The following FARP1 variants were observed in gnomAD, a reference collection of about 807,000 sequenced individuals.
FARP1 encodes the protein FERM, ARHGEF and pleckstrin domain-containing protein 1.
Under a neutral mutation model 128.8 loss-of-function variants are expected in FARP1, and 52 were observed. The ratio of observed to expected loss-of-function variants is 0.40; its 90% confidence interval spans 0.32 to 0.51. The LOEUF (loss-of-function observed/expected upper bound fraction) is 0.51, where lower values mean the gene tolerates loss of function less well. Ranked by LOEUF, FARP1 falls within the 20% of genes least tolerant of loss-of-function variation. FARP1 has a pLI of 0.45. For synonymous variants in FARP1, 580 were observed against 551.8 expected (o/e 1.05, Z -0.72); for missense variants, 1,333 against 1,367.9 (o/e 0.97, Z 0.40).
intron 2 of FARP1, among the ~76,000 whole-genome samples, chr13:98,280,181 A>G (rs1431047135): frequency 6.6e-6 from 1 of 152,160 alleles, no homozygotes; most frequent in East Asian, 1.9e-4. Flanking sequence ...AGCTGGCGTC[A>G]CTTCTGCTTA....
chr13:98,242,621 G>A (rs1172178082), intron 2 of FARP1, among the ~76,000 whole-genome samples: 1 of 152,162 alleles, frequency 6.6e-6, no homozygotes, highest in Non-Finnish European at 1.5e-5. Flanking sequence ...TGATGCTGCA[G>A]AGCTGAGATT....
At chr13:98,215,630 C>T (rs1881015045) in intron 2 of FARP1, among the ~76,000 whole-genome samples, 1 of 152,136 alleles carries the variant, frequency 6.6e-6, no homozygotes, top group Non-Finnish European at 1.5e-5. Flanking sequence ...GTCCAACTGC[C>T]TGCCTGTTCT....
chr13:98,256,948 G>GTT (rs59128917), intron 2 of FARP1, among the ~76,000 whole-genome samples: 8 of 77,096 alleles, frequency 1.0e-4, no homozygotes, highest in South Asian at 5.2e-4. Context: ...TATATATGTG[G>GTT]ATATATATAT....
intron 1 of FARP1, among the ~76,000 whole-genome samples, chr13:98,198,154 T>G (rs80259001): frequency 0.043 from 6,532 of 152,262 alleles, 209 homozygotes; most frequent in Non-Finnish European, 0.064. Flanking sequence ...TCAGCTGAAT[T>G]ACCTGCCAGA....
At chr13:98,258,774 C>T (rs1594330260) in intron 2 of FARP1, among the ~76,000 whole-genome samples, 1 of 151,974 alleles carries the variant, frequency 6.6e-6, no homozygotes, top group South Asian at 2.1e-4. Flanking sequence ...AATTTCTTAC[C>T]CTCTTGATGA....
At chr13:98,392,220 C>T (rs1890330780) in intron 11 of FARP1, among the ~76,000 whole-genome samples, 2 of 148,704 alleles carry the variant, frequency 1.3e-5, no homozygotes, top group Non-Finnish European at 1.5e-5. Flanking sequence ...CACAATGGCA[C>T]ATGCCTGTAA....
chr13:98,435,492 C>G (rs752585287), intron 18 of FARP1, 84 bp from the exon 19 acceptor site: 6 of 1,407,690 alleles, frequency 4.3e-6, no homozygotes, highest in Non-Finnish European at 5.8e-6. Context: ...GAGTGATTTC[C>G]CTGCAGCGTT....
At chr13:98,421,577 G>T (rs191935263) in intron 16 of FARP1, among the ~76,000 whole-genome samples, 1 of 152,180 alleles carries the variant, frequency 6.6e-6, no homozygotes, top group East Asian at 1.9e-4. Flanking sequence ...AGATAACAAG[G>T]CCAGGCAATG....
chr13:98,409,738 T>G (rs1266828084), intron 14 of FARP1, among the ~76,000 whole-genome samples: 1 of 152,178 alleles, frequency 6.6e-6, no homozygotes, highest in Non-Finnish European at 1.5e-5. Flanking sequence ...AGAAACTACA[T>G]CCATTTGTCA....
At chr13:98,256,948 GATATATATAT>G (rs56701739) in intron 2 of FARP1, among the ~76,000 whole-genome samples, 7,627 of 77,054 alleles carry the variant, frequency 0.099, 621 homozygotes, top group Middle Eastern at 0.2. Flanking sequence ...TATATATGTG[GATATATATAT>G]ATATATATAT....
Position 98,452,302 on chromosome 13 carries a change from C to G in FARP1, c.*3985C>G, listed in dbSNP as rs1012229081. ...GGCGCAGACCAGCAGTGGCACGATT[C>G]CAAACAAATGTCAGACGAGAGCGCT... On this transcript the variant is annotated 3_prime_UTR_variant, in exon 27 of 27. Transcript: ENST00000319562. The G allele has an allele frequency of 6.6e-6, 1 of 152,342 alleles. No homozygotes were observed. Among genetic ancestry groups the G allele is most frequent in the African/African-American group, 2.4e-5 (1 of 41,406 alleles). The allele number at this position is 152,342 out of a possible 1,614,324, so 9.4% of individuals were successfully genotyped here.
chr13:98,218,327 C>T (rs558360535), intron 2 of FARP1, among the ~76,000 whole-genome samples: 1 of 152,304 alleles, frequency 6.6e-6, no homozygotes, highest in East Asian at 1.9e-4. Flanking sequence ...GAATCATGGT[C>T]TCTAATCTTG....
intron 2 of FARP1, among the ~76,000 whole-genome samples, chr13:98,253,239 A>G (rs1355212367): frequency 2.0e-5 from 3 of 152,226 alleles, no homozygotes; most frequent in Non-Finnish European, 2.9e-5. Context: ...GCTTGTTGGC[A>G]AGTAGTCCTG....
intron 16 of FARP1, among the ~76,000 whole-genome samples, chr13:98,423,965 T>TCC (rs1351082909): frequency 3.9e-5 from 6 of 152,234 alleles, no homozygotes; most frequent in African/African-American, 1.4e-4. Flanking sequence ...CCTCCACGCC[T>TCC]CTCTCTCTTC....
Position 98,424,511 on chromosome 13 carries a change from C to T in FARP1, c.1827-61C>T, listed in dbSNP as rs1041002514. The T allele has an allele frequency of 3.1e-5, 33 of 1,068,642 alleles. 1 individual carries two copies. In the Admixed American group the frequency reaches 5.4e-4, roughly 18 times the overall value. The allele number at this position is 1,068,642 out of a possible 1,614,324, so 66.2% of individuals were successfully genotyped here. A position where few individuals can be genotyped will look rare whatever the true frequency, so the allele number is the denominator to read the frequency against. On this transcript the variant is annotated intron_variant, in intron 16 of 26. Coordinates refer to ENST00000319562, the MANE Select transcript of FARP1 (RefSeq NM_005766.4). Reference sequence around the variant, plus strand: ...GGAAGCGGTAGGCTGATATTTGTAACCCAGGGCTGTCATGTCACTACTGAT... The same window carrying T: ...GGAAGCGGTAGGCTGATATTTGTAATCCAGGGCTGTCATGTCACTACTGAT...
chr13:98,219,935 CTG>C (rs1412417380), intron 2 of FARP1, among the ~76,000 whole-genome samples: 1 of 152,136 alleles, frequency 6.6e-6, no homozygotes, highest in Non-Finnish European at 1.5e-5. Flanking sequence ...TCCTAAAGCG[CTG>C]TGATTGCAGG....
chr13:98,405,828 A>G lies in FARP1; in HGVS notation c.1415-3510A>G, dbSNP rs190408288. 1.3e-4 allele frequency: 20 copies of G among 152,308 alleles called. No individual in the cohort carries two copies. In the East Asian group the frequency reaches 3.5e-3, roughly 26 times the overall value. 9.4% of individuals were successfully genotyped at this position (152,308 alleles called of 1,614,324 possible). A position where few individuals can be genotyped will look rare whatever the true frequency, so the allele number is the denominator to read the frequency against. On this transcript the variant is annotated intron_variant, in intron 13 of 26. Transcript: ENST00000319562. ...AAAGGGAGAAGTGCTAGAAATACCG[A>G]GGCATTGATAATTTCATGGAGTAGC...
At chr13:98,240,226 A>T (rs1386512521) in intron 2 of FARP1, among the ~76,000 whole-genome samples, 2 of 152,126 alleles carry the variant, frequency 1.3e-5, no homozygotes, top group African/African-American at 4.8e-5. Context: ...GTTTTTTGGG[A>T]CTTTTGGAAA....
chr13:98,268,812 G>A (rs1236790856), intron 2 of FARP1, among the ~76,000 whole-genome samples: 2 of 145,086 alleles, frequency 1.4e-5, no homozygotes, highest in Non-Finnish European at 3.0e-5. Context: ...GTGTGTGTGT[G>A]TGTGTGTATA....
Sources: gnomAD v4.1 joint callset for allele counts (sites outside exome capture counted in the v4.1 genomes callset) on GRCh38, gnomAD v4.1.1 for gene constraint, MANE v1.5 for transcripts, NCBI Gene and HGNC (gene_info 2026-07-23, HGNC 2026-07-21) for gene names.